SYT13: variants seen among roughly 807,000 people sequenced by gnomAD.
SYT13 encodes the protein synaptotagmin-13.
A neutral mutation model predicts 38.6 loss-of-function variants in SYT13; 21 were observed. The ratio of observed to expected loss-of-function variants is 0.54; its 90% CI spans 0.39 to 0.78. The LOEUF (loss-of-function observed/expected upper bound fraction) is 0.78. Among genes scored for constraint, SYT13 ranks in the 30% least tolerant of loss-of-function variants. SYT13 has a pLI of 0.00. For synonymous variants in SYT13, 241 were observed against 237.6 expected, an observed-to-expected ratio of 1.01 and a Z score of -0.13; for missense variants, 495 against 548.7, an observed-to-expected ratio of 0.90 and a Z score of 0.98.
intron 5 of SYT13, among the ~76,000 whole-genome samples, chr11:45,244,739 G>C (rs535857261): frequency 6.6e-6 from 1 of 152,326 alleles, no homozygotes; most frequent in East Asian, 1.9e-4. Flanking sequence ...CACTGGTCTA[G>C]AAGTGGGGAT....
intron 1 of SYT13, among the ~76,000 whole-genome samples, chr11:45,270,222 T>C (rs1854933582): frequency 6.6e-6 from 1 of 152,246 alleles, no homozygotes; most frequent in Non-Finnish European, 1.5e-5. Context: ...TATAGAAGCA[T>C]CTCAGCTCTG....
chr11:45,254,455 T>C, intron 2 of SYT13, 51 bp from the exon 3 acceptor site: 3 of 1,586,336 alleles, frequency 1.9e-6, no homozygotes, highest in Non-Finnish European at 2.6e-6. Flanking sequence ...GGTTCTGCTT[T>C]CCTGATTACA....
chr11:45,278,072 T>G (rs142494376), intron 1 of SYT13, among the ~76,000 whole-genome samples: 90 of 152,330 alleles, frequency 5.9e-4, no homozygotes, highest in African/African-American at 1.9e-3. Flanking sequence ...TGTTTTCCTT[T>G]ATAACTCTAT....
At chr11:45,261,957 A>G (rs1854822524) in intron 1 of SYT13, among the ~76,000 whole-genome samples, 1 of 152,166 alleles carries the variant, frequency 6.6e-6, no homozygotes, top group Non-Finnish European at 1.5e-5. Context: ...TGATCCAGCA[A>G]TTCCACTTCT....
At position 45,265,167 on chromosome 11, in the gene SYT13, G is replaced by A. The variant is rs188173917; in HGVS notation, c.184-9276C>T. 4.6e-5 allele frequency among the ~76,000 whole-genome samples: 7 copies of A among 152,320 alleles called. No homozygotes were observed. In the East Asian group the frequency reaches 5.8e-4, roughly 13 times the overall value. On this transcript the variant is annotated intron_variant, in intron 1 of 5. Transcript: ENST00000020926. ...TGGAATATTCCTCGACCAACAAAAG[G>A]AATGAGTTTCAGGTACACTCAACAA...
chr11:45,278,984 G>A (rs926448814), intron 1 of SYT13, among the ~76,000 whole-genome samples: 2 of 152,240 alleles, frequency 1.3e-5, no homozygotes, highest in African/African-American at 4.8e-5. Context: ...TGTGATGGCG[G>A]CAGCAAAGCA....
rs1028992871 is a variant in SYT13, at chr11:45,243,153, T to G, written c.*899A>C. The G allele has an allele frequency of 2.0e-5, 3 of 152,158 alleles. No individual in the cohort carries two copies. The highest frequency in any genetic ancestry group is 4.4e-5 in the Non-Finnish European group (3 of 68,038). The allele number at this position is 152,158 out of a possible 1,614,324, so 9.4% of individuals were successfully genotyped here. Reference sequence around the variant, plus strand: ...ACTCACAGGAGATCCCACCTGTACTTTGTTAGGGATGGTCTCCCCAAGGAT... The same window carrying G: ...ACTCACAGGAGATCCCACCTGTACTGTGTTAGGGATGGTCTCCCCAAGGAT... On this transcript the variant is annotated 3_prime_UTR_variant, in exon 6 of 6. Transcript: ENST00000020926.
chr11:45,284,583 A>C (rs1855111646), intron 1 of SYT13, among the ~76,000 whole-genome samples: 1 of 152,106 alleles, frequency 6.6e-6, no homozygotes, highest in South Asian at 2.1e-4. Flanking sequence ...CATCAATAAG[A>C]CAAAGAGTTG....
intron 4 of SYT13, among the ~76,000 whole-genome samples, chr11:45,251,343 C>T (rs59870925): frequency 0.031 from 4,371 of 143,060 alleles, 244 homozygotes; most frequent in African/African-American, 0.11. Context: ...GAGCCGAGAT[C>T]GCGCCACTGC....
chr11:45,254,590 T>C, intron 2 of SYT13, 186 bp from the exon 3 acceptor site: 1 of 628,832 alleles, frequency 1.6e-6, no homozygotes, highest in Non-Finnish European at 2.5e-6. Flanking sequence ...AGGCTGCATC[T>C]GTGTCCACTG....
chr11:45,251,060 A>G (rs1186648945), intron 4 of SYT13, among the ~76,000 whole-genome samples: 1 of 152,036 alleles, frequency 6.6e-6, no homozygotes, highest in Non-Finnish European at 1.5e-5. Context: ...ACTCAGGTAG[A>G]GTCCTAAGCA....
intron 1 of SYT13, among the ~76,000 whole-genome samples, chr11:45,281,773 C>A (rs1260140117): frequency 6.6e-6 from 1 of 152,148 alleles, no homozygotes; most frequent in Non-Finnish European, 1.5e-5. Context: ...CTGGGGTCAC[C>A]CAGGGGACCT....
At chr11:45,276,064 C>A (rs1855006833) in intron 1 of SYT13, among the ~76,000 whole-genome samples, 1 of 152,148 alleles carries the variant, frequency 6.6e-6, no homozygotes, top group African/African-American at 2.4e-5. Flanking sequence ...GAAAACTCGC[C>A]AGCTACTGTG....
intron 1 of SYT13, among the ~76,000 whole-genome samples, chr11:45,274,064 G>A (rs1468398631): frequency 2.0e-5 from 3 of 152,212 alleles, no homozygotes; most frequent in Non-Finnish European, 4.4e-5. Flanking sequence ...TTGGCTAGGA[G>A]ATGGTGGAGT....
At chr11:45,248,752 C>A (rs1440373798) in intron 4 of SYT13, among the ~76,000 whole-genome samples, 1 of 152,206 alleles carries the variant, frequency 6.6e-6, no homozygotes, top group African/African-American at 2.4e-5. Context: ...AGACTTGAGT[C>A]CTCTGCTACC....
intron 1 of SYT13, among the ~76,000 whole-genome samples, chr11:45,273,210 G>T (rs1221022124): frequency 1.3e-5 from 2 of 152,180 alleles, no homozygotes; most frequent in Admixed American, 6.5e-5. Flanking sequence ...AGGCCTGAAG[G>T]GGCAAGAAGC....
chr11:45,240,994 G>A lies in SYT13; in HGVS notation c.*3058C>T, dbSNP rs1000832397. On this transcript the variant is annotated 3_prime_UTR_variant, in exon 6 of 6. Coordinates refer to ENST00000020926, the MANE Select transcript of SYT13 (RefSeq NM_020826.3). ...AAAGACTACTGAAATATTTTTATTT[G>A]GCAGTTTGACATCTCTGGATAATTT... 2 of 152,174 alleles carry A rather than the reference G, an allele frequency of 1.3e-5. No homozygotes were observed. Among genetic ancestry groups the A allele is most frequent in the Non-Finnish European group, 2.9e-5 (2 of 68,036 alleles). The allele number at this position is 152,174 out of a possible 1,614,324, so 9.4% of individuals were successfully genotyped here. A position where few individuals can be genotyped will look rare whatever the true frequency, so the allele number is the denominator to read the frequency against.
intron 1 of SYT13, among the ~76,000 whole-genome samples, chr11:45,276,410 C>T (rs1033134854): frequency 6.6e-6 from 1 of 152,086 alleles, no homozygotes; most frequent in Non-Finnish European, 1.5e-5. Context: ...GAGAGAGGAA[C>T]ATTACACACC....
chr11:45,248,641 C>T (rs1854639938), intron 4 of SYT13, among the ~76,000 whole-genome samples: 1 of 152,178 alleles, frequency 6.6e-6, no homozygotes, highest in African/African-American at 2.4e-5. Flanking sequence ...TACCAGGCAC[C>T]CAGAGAGGTG....
Sources: gnomAD v4.1 joint callset for allele counts (sites outside exome capture counted in the v4.1 genomes callset) on GRCh38, gnomAD v4.1.1 for gene constraint, MANE v1.5 for transcripts, NCBI Gene and HGNC (gene_info 2026-07-23, HGNC 2026-07-21) for gene names.